The following ADGRL3 variants were observed in gnomAD, a reference collection of about 807,000 sequenced individuals.
ADGRL3 encodes calcium-independent alpha-latrotoxin receptor 3.
A neutral mutation model predicts 153.5 loss-of-function variants in ADGRL3; 62 were observed. That is an observed-to-expected ratio of 0.40 (90% CI 0.33 to 0.50). ADGRL3 has a LOEUF of 0.50. ADGRL3 is among the 20% of genes least tolerant of loss of function. The probability of loss-of-function intolerance (pLI) is 0.47; values close to 1 mark genes in which losing one functional copy is unlikely to be tolerated. For synonymous variants in ADGRL3, 710 were observed against 672.5 expected, an observed-to-expected ratio of 1.06 and a Z score of -0.86; for missense variants, 1,641 against 1,859.4, an observed-to-expected ratio of 0.88 and a Z score of 2.16.
At chr4:61,542,369 G>A (rs1467130005) in intron 4 of ADGRL3, among the ~76,000 whole-genome samples, 1 of 152,082 alleles carries the variant, frequency 6.6e-6, no homozygotes, top group Non-Finnish European at 1.5e-5. Context: ...AATAAAAACA[G>A]CTGCAAAAAG....
chr4:61,764,122 T>A (rs957810931), intron 8 of ADGRL3, among the ~76,000 whole-genome samples: 1 of 152,204 alleles, frequency 6.6e-6, no homozygotes, highest in African/African-American at 2.4e-5. Flanking sequence ...TAAGCCAATT[T>A]GAATAAACCA....
chr4:61,847,612 T>C (rs1561350340), intron 9 of ADGRL3, among the ~76,000 whole-genome samples: 4 of 47,000 alleles, frequency 8.5e-5, no homozygotes, highest in African/African-American at 4.7e-4. Context: ...TATAATATAT[T>C]ATATATATAA....
At position 61,858,188 on chromosome 4, in the gene ADGRL3, A is replaced by G. The variant is rs576615452; in HGVS notation, c.1481-34468A>G. 3.9e-5 allele frequency among the ~76,000 whole-genome samples: 6 copies of G among 152,330 alleles called. No individual in the cohort carries two copies. The East Asian group carries it at 1.2e-3, about 29-fold the overall frequency. ...TCTAGAGAGAACTTGGCAAACTTTT[A>G]CTATAAAATACCAGATAGTAAATAT... On this transcript the variant is annotated intron_variant, in intron 9 of 26. Coordinates refer to ENST00000683033, the MANE Select transcript of ADGRL3 (RefSeq NM_001387552.1).
chr4:62,001,044 A>G lies in ADGRL3; in HGVS notation c.3395+2779A>G, dbSNP rs2099138689. Among the ~76,000 whole-genome samples, 5 of 152,130 alleles carry G rather than the reference A, an allele frequency of 3.3e-5. No homozygotes were observed. In the South Asian group the frequency reaches 8.3e-4, roughly 25 times the overall value. On this transcript the variant is annotated intron_variant, in intron 21 of 26. Coordinates refer to ENST00000683033, the MANE Select transcript of ADGRL3 (RefSeq NM_001387552.1). ...AGCTATCCTTCCGCTTCAGCCTCCT[A>G]AAGTGCTGGGATTACAGGCATGAGC...
intron 5 of ADGRL3, among the ~76,000 whole-genome samples, chr4:61,673,388 T>C (rs191046126): frequency 2.0e-5 from 3 of 152,018 alleles, no homozygotes; most frequent in African/African-American, 7.2e-5. Flanking sequence ...TGTAAAGATA[T>C]ATCAAAACAT....
At chr4:61,383,250 A>T (rs538209788) in intron 2 of ADGRL3, 61 bp downstream of exon 2, 9 of 151,894 alleles carry the variant, frequency 5.9e-5, no homozygotes, top group African/African-American at 2.2e-4. Context: ...AAATATTTAC[A>T]TTCAAGTTAA....
intron 1 of ADGRL3, among the ~76,000 whole-genome samples, chr4:61,249,610 A>G (rs1432743144): frequency 6.6e-6 from 1 of 152,150 alleles, no homozygotes; most frequent in African/African-American, 2.4e-5. Flanking sequence ...GCAGCTTTCT[A>G]GGAAATTCCA....
At chr4:61,201,905 A>C (rs904309730) in intron 1 of ADGRL3, 140 bp downstream of exon 1, 4 of 152,452 alleles carry the variant, frequency 2.6e-5, no homozygotes, top group Admixed American at 2.0e-4. Context: ...CCTCACACAC[A>C]CACACACTCA....
At chr4:61,501,298 T>C (rs1223637963) in intron 3 of ADGRL3, among the ~76,000 whole-genome samples, 1 of 152,210 alleles carries the variant, frequency 6.6e-6, no homozygotes, top group African/African-American at 2.4e-5. Flanking sequence ...ATATAATTTT[T>C]ATCTGTAAAA....
intron 5 of ADGRL3, among the ~76,000 whole-genome samples, chr4:61,631,888 A>G (rs1464978201): frequency 6.6e-6 from 1 of 151,848 alleles, no homozygotes. Flanking sequence ...CAGCCTTCCA[A>G]AGTGCTGGGA....
intron 2 of ADGRL3, among the ~76,000 whole-genome samples, chr4:61,461,420 G>A (rs1211732813): frequency 6.6e-6 from 1 of 152,028 alleles, no homozygotes; most frequent in African/African-American, 2.4e-5. Context: ...TGAGGTGATG[G>A]ATGTCCTAAA....
intron 5 of ADGRL3, among the ~76,000 whole-genome samples, chr4:61,651,992 A>T (rs1275195512): frequency 6.6e-6 from 1 of 152,064 alleles, no homozygotes; most frequent in African/African-American, 2.4e-5. Context: ...AAAATGTATT[A>T]AGCCAAAAAT....
chr4:61,921,561 C>T (rs2098769459), intron 13 of ADGRL3, among the ~76,000 whole-genome samples: 1 of 152,160 alleles, frequency 6.6e-6, no homozygotes, highest in African/African-American at 2.4e-5. Flanking sequence ...GCATGCGCCA[C>T]CATGCCCAGC....
chr4:61,613,040 T>C (rs748489577), intron 5 of ADGRL3, among the ~76,000 whole-genome samples: 3 of 152,204 alleles, frequency 2.0e-5, no homozygotes, highest in Admixed American at 6.5e-5. Context: ...TGATTTGAAG[T>C]AATTTAACAG....
At chr4:61,653,130 CCTCTCTCTCTCTCTCTCTCTGTCTCT>C (rs2094320246) in intron 5 of ADGRL3, among the ~76,000 whole-genome samples, 1 of 139,266 alleles carries the variant, frequency 7.2e-6, no homozygotes, top group Admixed American at 7.4e-5. Flanking sequence ...AAAGAGAAAG[CCTCTCTCTCTCTCTCTCTCTGTCTCT>C]CTCTCTCTCT....
chr4:61,879,253 G>A (rs1356695809), intron 9 of ADGRL3, among the ~76,000 whole-genome samples: 1 of 151,946 alleles, frequency 6.6e-6, no homozygotes, highest in Non-Finnish European at 1.5e-5. Flanking sequence ...TGATCCTCTG[G>A]GCAGATTTCC....
chr4:61,538,470 G>T (rs561005338), intron 4 of ADGRL3, among the ~76,000 whole-genome samples: 2 of 151,930 alleles, frequency 1.3e-5, no homozygotes, highest in African/African-American at 4.8e-5. Context: ...ATGGAGTTTC[G>T]ATCTTGTTGC....
rs868239994 is a variant in ADGRL3 at position 61,370,650 on chromosome 4, G to C, written c.-239-12474G>C. On this transcript the variant is annotated intron_variant, in intron 1 of 26. Transcript: ENST00000683033. ...TTGCTGAGGAGAGCTTTACTTCCAAGTATGTGGTCAATTTTGGAATAGGTG... is the reference window on the plus strand; with the variant it reads ...TTGCTGAGGAGAGCTTTACTTCCAACTATGTGGTCAATTTTGGAATAGGTG... 5.9e-3 allele frequency among the ~76,000 whole-genome samples: 895 copies of C among 151,814 alleles called. 8 individuals carry two copies. Among genetic ancestry groups the C allele is most frequent in the African/African-American group, 0.02 (816 of 41,398 alleles).
chr4:61,313,318 A>G (rs1016679239), intron 1 of ADGRL3, among the ~76,000 whole-genome samples: 11 of 152,210 alleles, frequency 7.2e-5, no homozygotes, highest in African/African-American at 2.7e-4. Flanking sequence ...TGGCTGATAC[A>G]TGCCACTATA....
Sources: gnomAD v4.1 joint callset for allele counts (sites outside exome capture counted in the v4.1 genomes callset) on GRCh38, gnomAD v4.1.1 for gene constraint, MANE v1.5 for transcripts, NCBI Gene and HGNC (gene_info 2026-07-23, HGNC 2026-07-21) for gene names.